The following MTUS2 variants were observed in gnomAD, a reference collection of about 807,000 sequenced individuals.
MTUS2 encodes microtubule-associated tumor suppressor candidate 2.
A neutral mutation model predicts 114.1 loss-of-function variants in MTUS2; 40 were observed. The ratio of observed to expected loss-of-function variants is 0.35; its 90% CI spans 0.27 to 0.46. The LOEUF is 0.46. MTUS2 is among the 20% of genes least tolerant of loss of function. MTUS2 has a pLI of 1.00. For synonymous variants in MTUS2, 688 were observed against 672.0 expected, an observed-to-expected ratio of 1.02 and a Z score of -0.37; for missense variants, 1,679 against 1,705.4, an observed-to-expected ratio of 0.98 and a Z score of 0.27.
intron 8 of MTUS2, among the ~76,000 whole-genome samples, chr13:29,371,970 A>ACCC (rs1197762029): frequency 9.6e-4 from 11 of 11,518 alleles, no homozygotes; most frequent in East Asian, 6.0e-3. Context: ...AGTGTCCTCA[A>ACCC]CCCCCGCCCC....
intron 4 of MTUS2, among the ~76,000 whole-genome samples, chr13:29,046,117 A>ATTTT (rs5802505): frequency 6.2e-5 from 9 of 144,770 alleles, no homozygotes; most frequent in East Asian, 6.1e-4. Flanking sequence ...GTTAGTAAGT[A>ATTTT]TTTTTTTTTT....
intron 2 of MTUS2, among the ~76,000 whole-genome samples, chr13:28,932,338 A>G (rs575925103): frequency 6.6e-6 from 1 of 152,344 alleles, no homozygotes; most frequent in East Asian, 1.9e-4. Flanking sequence ...TAATGCAGGG[A>G]TAATTTGAAA....
chr13:29,023,490 G>C (rs1479751132), intron 2 of MTUS2, among the ~76,000 whole-genome samples: 1 of 151,932 alleles, frequency 6.6e-6, no homozygotes, highest in African/African-American at 2.4e-5. Flanking sequence ...CGTTTTTCTT[G>C]GTCGAATCAT....
chr13:29,170,033 AG>A (rs1566044632), intron 5 of MTUS2, among the ~76,000 whole-genome samples: 1 of 79,900 alleles, frequency 1.3e-5, no homozygotes, highest in African/African-American at 4.6e-5. Flanking sequence ...GAAAAATCAC[AG>A]TAGTGGTTGA....
intron 9 of MTUS2, among the ~76,000 whole-genome samples, chr13:29,458,735 C>T (rs1299630688): frequency 2.6e-5 from 4 of 152,222 alleles, no homozygotes; most frequent in African/African-American, 4.8e-5. Flanking sequence ...ACACTCCCCA[C>T]CTCAAAAGAA....
chr13:29,442,063 G>A (rs1163467366), intron 9 of MTUS2, among the ~76,000 whole-genome samples: 2 of 152,268 alleles, frequency 1.3e-5, no homozygotes, highest in African/African-American at 4.8e-5. Flanking sequence ...AGTTCCCAGG[G>A]GATGTGGAGG....
At chr13:29,082,157 G>A (rs1375839384) in intron 4 of MTUS2, among the ~76,000 whole-genome samples, 1 of 152,214 alleles carries the variant, frequency 6.6e-6, no homozygotes, top group South Asian at 2.1e-4. Flanking sequence ...CTTCTGCTGT[G>A]TGAGGACACA....
chr13:29,210,238 T>C (rs1369091347), intron 5 of MTUS2, among the ~76,000 whole-genome samples: 1 of 152,086 alleles, frequency 6.6e-6, no homozygotes, highest in East Asian at 1.9e-4. Context: ...CCAGTGTATT[T>C]TGTGTTTCTT....
chr13:28,903,721 C>G (rs1288925304), intron 2 of MTUS2, among the ~76,000 whole-genome samples: 16 of 150,032 alleles, frequency 1.1e-4, no homozygotes, highest in Non-Finnish European at 2.1e-4. Context: ...CCGCAATAAA[C>G]ATGTGTGCAT....
chr13:28,965,727 G>A (rs935933218), intron 2 of MTUS2, among the ~76,000 whole-genome samples: 3 of 152,144 alleles, frequency 2.0e-5, no homozygotes, highest in African/African-American at 7.2e-5. Context: ...CAGCGACCCA[G>A]GAAGGGCTGA....
Position 29,025,841 on chromosome 13 carries a change from G to A in MTUS2, c.1143G>A (p.Lys381=), listed in dbSNP as rs753807402. The A allele has an allele frequency of 6.2e-7, 1 of 1,613,710 alleles. No homozygotes were observed. Among genetic ancestry groups the A allele is most frequent in the Non-Finnish European group, 8.5e-7 (1 of 1,179,758 alleles). ...TGGGAAGAGGCAACTGTGAAGAGAA[G>A]AGAGGAGTCAACCCAGGGGAGCAGG... ...LGVGRGNCEE[K]RGVNPGEQDS... is the part of the protein sequence containing the mutation. The change falls in exon 3 of 16, where the codon AAG becomes AAA. Residue 381 remains lysine, a synonymous_variant. Transcript: ENST00000612955.
intron 2 of MTUS2, among the ~76,000 whole-genome samples, chr13:28,936,972 ACTT>A (rs1321983208): frequency 6.6e-6 from 1 of 152,072 alleles, no homozygotes; most frequent in Non-Finnish European, 1.5e-5. Context: ...TGTACTTTTT[ACTT>A]CTTAAAGAGA....
chr13:29,047,069 C>T (rs1169427444), intron 4 of MTUS2, among the ~76,000 whole-genome samples: 3 of 152,206 alleles, frequency 2.0e-5, no homozygotes, highest in Non-Finnish European at 4.4e-5. Context: ...CCCCTCTGCG[C>T]AGAAGTAAAA....
intron 12 of MTUS2, 110 bp downstream of exon 12, chr13:29,492,829 C>A: frequency 1.2e-6 from 1 of 816,310 alleles, no homozygotes; most frequent in Non-Finnish European, 2.0e-6. Flanking sequence ...CTGTACTAAA[C>A]AATAGAATAT....
At chr13:28,903,584 G>A (rs1428601598) in intron 2 of MTUS2, among the ~76,000 whole-genome samples, 2 of 151,700 alleles carry the variant, frequency 1.3e-5, no homozygotes, top group Non-Finnish European at 2.9e-5. Flanking sequence ...CCCTACAAAG[G>A]ACATGAACTC....
At chr13:29,432,146 C>T (rs1877047468) in intron 8 of MTUS2, among the ~76,000 whole-genome samples, 2 of 151,776 alleles carry the variant, frequency 1.3e-5, no homozygotes, top group Admixed American at 1.3e-4. Context: ...AGCCACCATG[C>T]CTGGCCAAAG....
chr13:28,920,783 C>T (rs768600179), intron 2 of MTUS2, among the ~76,000 whole-genome samples: 9 of 152,256 alleles, frequency 5.9e-5, no homozygotes, highest in South Asian at 2.1e-4. Context: ...CCTTCCTGCT[C>T]TTCCCTTCCC....
chr13:28,909,974 A>C (rs905732451), intron 2 of MTUS2, among the ~76,000 whole-genome samples: 1 of 152,224 alleles, frequency 6.6e-6, no homozygotes, highest in Non-Finnish European at 1.5e-5. Flanking sequence ...TGCAGTGCAT[A>C]ATAATCACAT....
intron 5 of MTUS2, among the ~76,000 whole-genome samples, chr13:29,186,491 G>A (rs1433254603): frequency 1.3e-5 from 2 of 152,192 alleles, no homozygotes; most frequent in African/African-American, 4.8e-5. Context: ...TCATATTAAT[G>A]TCAGACAAAA....
Sources: allele counts gnomAD v4.1 joint callset (sites outside exome capture counted in the v4.1 genomes callset), GRCh38; gene constraint gnomAD v4.1.1; transcripts MANE v1.5; gene names NCBI Gene and HGNC (gene_info 2026-07-23, HGNC 2026-07-21).